Variants in PRDM16 observed in about 807,000 individuals in gnomAD.
PRDM16 encodes histone-lysine N-methyltransferase PRDM16.
Under a neutral mutation model 110.6 loss-of-function variants are expected in PRDM16, and 23 were observed. The ratio of observed to expected loss-of-function variants is 0.21; its 90% confidence interval spans 0.15 to 0.29. The LOEUF (loss-of-function observed/expected upper bound fraction) is 0.29. Among genes scored for constraint, PRDM16 ranks in the 10% least tolerant of loss-of-function variants. The pLI is 1.00. For missense variants in PRDM16, 1,615 were observed against 1,794.3 expected, an observed-to-expected ratio of 0.90 and a Z score of 1.81; for synonymous variants, 799 against 781.8, an observed-to-expected ratio of 1.02 and a Z score of -0.37.
chr1:3,368,842 C>T (rs922523052), intron 3 of PRDM16, among the ~76,000 whole-genome samples: 9 of 152,158 alleles, frequency 5.9e-5, no homozygotes, highest in Admixed American at 5.9e-4. Context: ...AAAAAAATAG[C>T]AATAGCAAAA....
At chr1:3,133,736 C>T (rs1188481280) in intron 1 of PRDM16, 1 of 152,256 alleles carries the variant, frequency 6.6e-6, no homozygotes, top group African/African-American at 2.4e-5. Context: ...CCTCCATCTC[C>T]CCTTCATGTG....
intron 3 of PRDM16, among the ~76,000 whole-genome samples, chr1:3,320,208 G>A (rs1351416027): frequency 6.6e-6 from 1 of 152,246 alleles, no homozygotes; most frequent in Non-Finnish European, 1.5e-5. Context: ...CACACAGTGG[G>A]CTGTGACAGG....
In PRDM16 at chr1:3,206,851, C is replaced by G. The variant is rs2100837505; in HGVS notation, c.387+20377C>G. On this transcript the variant is annotated intron_variant, in intron 2 of 16. Transcript: ENST00000270722. The surrounding 1 kb of genome is among the most constrained non-coding windows in gnomAD (Gnocchi z 4.9). Reference sequence around the variant, plus strand: ...TTCTGCAGAGGGAGACACAGCCTGACACCTGGGACCTGTGCAGCTGGGTGG... The same window carrying G: ...TTCTGCAGAGGGAGACACAGCCTGAGACCTGGGACCTGTGCAGCTGGGTGG... 6.6e-6 allele frequency: 1 copy of G among 152,384 alleles called. No individual in the cohort carries two copies. Among genetic ancestry groups the G allele is most frequent in the East Asian group, 1.9e-4 (1 of 5,176 alleles). The allele number at this position is 152,384 out of a possible 1,614,324, so 9.4% of individuals were successfully genotyped here. A position where few individuals can be genotyped will look rare whatever the true frequency, so the allele number is the denominator to read the frequency against.
chr1:3,125,293 A>G (rs1206383403), intron 1 of PRDM16, among the ~76,000 whole-genome samples: 2 of 152,230 alleles, frequency 1.3e-5, no homozygotes, highest in East Asian at 3.9e-4. Context: ...TGGGCTGGAG[A>G]GGCCTCAGAG....
At chr1:3,427,867 G>A (rs1332619286) in intron 14 of PRDM16, among the ~76,000 whole-genome samples, 7 of 152,142 alleles carry the variant, frequency 4.6e-5, no homozygotes, top group African/African-American at 1.4e-4. Context: ...CTCCAGGAAC[G>A]ATGGCCTGAA....
At chr1:3,372,671 C>T (rs1557638964) in intron 3 of PRDM16, among the ~76,000 whole-genome samples, 2 of 152,274 alleles carry the variant, frequency 1.3e-5, no homozygotes, top group East Asian at 3.8e-4. Flanking sequence ...AACGTGCAAC[C>T]TTCAGGCTCA....
At chr1:3,149,604 C>T (rs1643740126) in intron 1 of PRDM16, among the ~76,000 whole-genome samples, 1 of 152,234 alleles carries the variant, frequency 6.6e-6, no homozygotes, top group Non-Finnish European at 1.5e-5. Flanking sequence ...TGCTGTCTTC[C>T]TGGGTTTACC....
intron 1 of PRDM16, among the ~76,000 whole-genome samples, chr1:3,134,705 G>A (rs1212374659): frequency 6.6e-6 from 1 of 152,282 alleles, no homozygotes; most frequent in Non-Finnish European, 1.5e-5. Flanking sequence ...TGTTCAGAAA[G>A]TGAAGATTAA....
At chr1:3,284,220 A>G (rs1640797839) in intron 3 of PRDM16, among the ~76,000 whole-genome samples, 1 of 152,254 alleles carries the variant, frequency 6.6e-6, no homozygotes, top group African/African-American at 2.4e-5. Flanking sequence ...ACCGACATTA[A>G]GCGTCCCAGG....
At chr1:3,150,490 G>A (rs552178126) in intron 1 of PRDM16, among the ~76,000 whole-genome samples, 3 of 152,246 alleles carry the variant, frequency 2.0e-5, no homozygotes, top group South Asian at 2.1e-4. Flanking sequence ...CCCAGGAGGC[G>A]GAGATTGCAG....
Position 3,438,435 on chromosome 1 carries a change from G to T in PRDM16, c.*4624G>T. On this transcript the variant is annotated 3_prime_UTR_variant, in exon 17 of 17. Transcript: ENST00000270722. ...CATGAAAAGAACAATTTTGCAAATT[G>T]CATTCTGATGCTTGTGATGAACACA... 1 of 203,986 alleles carries T rather than the reference G, an allele frequency of 4.9e-6. No homozygotes were observed. The highest frequency in any genetic ancestry group is 1.0e-5 in the Non-Finnish European group (1 of 99,568). The allele number at this position is 203,986 out of a possible 1,614,324, so 12.6% of individuals were successfully genotyped here. A position where few individuals can be genotyped will look rare whatever the true frequency, so the allele number is the denominator to read the frequency against.
rs949018215 is a variant in PRDM16 at position 3,080,982 on chromosome 1, G to C, written c.37+11686G>C. 6.6e-6 allele frequency among the ~76,000 whole-genome samples: 1 copy of C among 151,896 alleles called. No individual in the cohort carries two copies. Among genetic ancestry groups the C allele is most frequent in the Non-Finnish European group, 1.5e-5 (1 of 67,978 alleles). ...GCGGGGGGGGTCTGCACATTCCGCCGAGTGTCCTCATGAACAAAAGGCCTA... is the reference window on the plus strand; with the variant it reads ...GCGGGGGGGGTCTGCACATTCCGCCCAGTGTCCTCATGAACAAAAGGCCTA... On this transcript the variant is annotated intron_variant, in intron 1 of 16. Transcript: ENST00000270722. This position sits in a 1 kb window ranked among gnomAD's most constrained non-coding sequence, Gnocchi z 5.2.
intron 2 of PRDM16, among the ~76,000 whole-genome samples, chr1:3,193,106 T>C (rs1164952624): frequency 6.6e-6 from 1 of 150,626 alleles, no homozygotes; most frequent in Non-Finnish European, 1.5e-5. Flanking sequence ...AGACGGCGAG[T>C]ACCCAGCAGA....
chr1:3,169,235 C>T (rs1269504837), intron 1 of PRDM16, among the ~76,000 whole-genome samples: 2 of 152,156 alleles, frequency 1.3e-5, no homozygotes, highest in Non-Finnish European at 2.9e-5. Flanking sequence ...TGGTTTGGAA[C>T]CTCGGGAAGA....
chr1:3,421,279 C>A (rs995139349), intron 12 of PRDM16, among the ~76,000 whole-genome samples: 1 of 152,180 alleles, frequency 6.6e-6, no homozygotes, highest in African/African-American at 2.4e-5. Flanking sequence ...GCCACCCCCC[C>A]TGACCTGCCC....
At chr1:3,361,901 C>T (rs545281171) in intron 3 of PRDM16, among the ~76,000 whole-genome samples, 78 of 148,822 alleles carry the variant, frequency 5.2e-4, no homozygotes, top group African/African-American at 2.0e-3. Flanking sequence ...GAAGTGACTG[C>T]GGTCCAGGAG....
intron 3 of PRDM16, among the ~76,000 whole-genome samples, chr1:3,253,191 T>A (rs114899186): frequency 0.012 from 1,826 of 152,124 alleles, 38 homozygotes; most frequent in African/African-American, 0.042. Context: ...CTCTTTTTTT[T>A]AATTTAATTT....
chr1:3,122,497 G>A (rs539252291), intron 1 of PRDM16, among the ~76,000 whole-genome samples: 1 of 152,310 alleles, frequency 6.6e-6, no homozygotes, highest in South Asian at 2.1e-4. Flanking sequence ...AAGGTGGCCG[G>A]CCTCCCCTGG....
At chr1:3,189,328 A>G (rs763198048) in intron 2 of PRDM16, among the ~76,000 whole-genome samples, 1 of 152,134 alleles carries the variant, frequency 6.6e-6, no homozygotes, top group Non-Finnish European at 1.5e-5. Context: ...AGAGAAAAAC[A>G]TGGGTGCCAG....
Sources: allele counts gnomAD v4.1 joint callset (sites outside exome capture counted in the v4.1 genomes callset), GRCh38; gene constraint gnomAD v4.1.1; non-coding constraint Gnocchi (gnomAD v3.1); transcripts MANE v1.5; gene names NCBI Gene and HGNC (gene_info 2026-07-23, HGNC 2026-07-21).